Variants in KAZN observed in about 807,000 individuals in gnomAD.
KAZN encodes kazrin.
Under a neutral mutation model 87.4 loss-of-function variants are expected in KAZN, and 40 were observed. The ratio of observed to expected loss-of-function variants is 0.46; its 90% CI spans 0.36 to 0.60. The LOEUF (loss-of-function observed/expected upper bound fraction) is 0.60, where lower values mean the gene tolerates loss of function less well. KAZN is among the 20% of genes least tolerant of loss of function. The pLI is 0.00. For synonymous variants in KAZN, 466 were observed against 458.3 expected (o/e 1.02, Z -0.22); for missense variants, 898 against 1,073.9 (o/e 0.84, Z 2.29).
At chr1:14,543,153 G>A (rs1672920817) in intron 2 of KAZN, among the ~76,000 whole-genome samples, 1 of 152,142 alleles carries the variant, frequency 6.6e-6, no homozygotes, top group Non-Finnish European at 1.5e-5. Flanking sequence ...TATGACCTGT[G>A]TCATAATGTA....
intron 1 of KAZN, among the ~76,000 whole-genome samples, chr1:14,800,297 C>T (rs1645969439): frequency 6.6e-6 from 1 of 152,234 alleles, no homozygotes; most frequent in Non-Finnish European, 1.5e-5. Flanking sequence ...TTCACAGCAG[C>T]ATTATTCATG....
intron 1 of KAZN, among the ~76,000 whole-genome samples, chr1:14,888,266 T>C (rs1008610454): frequency 2.0e-5 from 3 of 152,208 alleles, no homozygotes; most frequent in Non-Finnish European, 4.4e-5. Flanking sequence ...TCCCAGCATA[T>C]GGACATTCTC....
intron 1 of KAZN, among the ~76,000 whole-genome samples, chr1:13,945,710 T>TGAGAGAGAGAGA (rs200937986): frequency 7.3e-6 from 1 of 137,182 alleles, no homozygotes; most frequent in South Asian, 2.3e-4. Flanking sequence ...TGTGTGTGTG[T>TGAGAGAGAGAGA]GAGAGAGAGA....
chr1:14,326,381 G>C lies in KAZN; in HGVS notation c.249+145789G>C, dbSNP rs375669439. On this transcript the variant is annotated intron_variant, in intron 2 of 16. Coordinates refer to the KAZN transcript ENST00000636203. ...CCTCTTCAAAATATTATTATATCCA[G>C]AATCCAAACTCCTCACCACCTTTGC... Among the ~76,000 whole-genome samples, 11 of 152,168 alleles carry C rather than the reference G, an allele frequency of 7.2e-5. No homozygotes were observed. The East Asian group carries it at 1.7e-3, about 24-fold the overall frequency.
intron 2 of KAZN, among the ~76,000 whole-genome samples, chr1:14,443,551 C>T (rs901279491): frequency 1.3e-5 from 2 of 152,244 alleles, no homozygotes; most frequent in Admixed American, 6.5e-5. Flanking sequence ...TTGGAGGCCC[C>T]TGGCCTTCCT....
chr1:13,910,328 G>A (rs1172658173), intron 1 of KAZN, among the ~76,000 whole-genome samples: 4 of 151,960 alleles, frequency 2.6e-5, no homozygotes, highest in Non-Finnish European at 5.9e-5. Flanking sequence ...CCAACATGGT[G>A]AAACCTCATC....
At chr1:14,025,747 G>T (rs1432706207) in intron 1 of KAZN, among the ~76,000 whole-genome samples, 2 of 152,100 alleles carry the variant, frequency 1.3e-5, no homozygotes, top group East Asian at 3.9e-4. Flanking sequence ...AATTATAATT[G>T]TATTAAATTT....
chr1:14,436,734 A>AAACAAAACAAAAAC (rs1553172283), intron 2 of KAZN, among the ~76,000 whole-genome samples: 1 of 137,368 alleles, frequency 7.3e-6, no homozygotes, highest in Non-Finnish European at 1.5e-5. Flanking sequence ...AAAAAAAAAA[A>AAACAAAACAAAAAC]AAAACCTTAA....
intron 1 of KAZN, among the ~76,000 whole-genome samples, chr1:13,914,747 T>A (rs1036373738): frequency 1.3e-5 from 2 of 152,040 alleles, no homozygotes; most frequent in Non-Finnish European, 2.9e-5. Context: ...GAAGGCCAAA[T>A]TGGGAGGATC....
rs147119312 is a variant in KAZN, at chr1:14,655,610, C to A, written c.226+56387C>A. Among the ~76,000 whole-genome samples, 148 of 152,296 alleles carry A rather than the reference C, an allele frequency of 9.7e-4. 4 individuals carry two copies. In the East Asian group the frequency reaches 0.024, roughly 25 times the overall value. On this transcript the variant is annotated intron_variant, in intron 1 of 14. Coordinates refer to ENST00000376030, the MANE Select transcript of KAZN (RefSeq NM_201628.3). ...AATGCTTCATTATAAGCAGGCTTAG[C>A]TGCTGCGACAGATATAGATTAGAAC...
chr1:14,905,091 C>G (rs1656365757), intron 1 of KAZN, among the ~76,000 whole-genome samples: 1 of 152,166 alleles, frequency 6.6e-6, no homozygotes, highest in African/African-American at 2.4e-5. Context: ...CAGAGTCTCG[C>G]TCCTTCGCCC....
intron 2 of KAZN, among the ~76,000 whole-genome samples, chr1:14,430,449 G>A (rs1284419055): frequency 6.6e-6 from 1 of 152,054 alleles, no homozygotes; most frequent in African/African-American, 2.4e-5. Context: ...TGGCTTTCAG[G>A]GTCTTAACCA....
intron 2 of KAZN, among the ~76,000 whole-genome samples, chr1:14,356,345 GT>G (rs1659029244): frequency 1.3e-5 from 2 of 152,102 alleles, no homozygotes; most frequent in South Asian, 4.1e-4. Flanking sequence ...AGATTGATAG[GT>G]TGTAAAAATT....
intron 1 of KAZN, among the ~76,000 whole-genome samples, chr1:14,154,529 A>T (rs6680592): frequency 0.18 from 26,833 of 152,058 alleles, 2,981 homozygotes; most frequent in East Asian, 0.33. Context: ...TTCCAGTACT[A>T]TGTTGAGTAA....
At chr1:14,976,319 C>G (rs1440694895) in intron 2 of KAZN, among the ~76,000 whole-genome samples, 1 of 152,128 alleles carries the variant, frequency 6.6e-6, no homozygotes, top group Non-Finnish European at 1.5e-5. Context: ...CTCAGAACAG[C>G]ACGTCATCAG....
At chr1:14,919,472 C>T (rs1175233416) in intron 1 of KAZN, among the ~76,000 whole-genome samples, 1 of 152,196 alleles carries the variant, frequency 6.6e-6, no homozygotes, top group Non-Finnish European at 1.5e-5. Flanking sequence ...CCACCGCGCC[C>T]CTCCCGAGGC....
chr1:14,013,261 A>G (rs1640404890), intron 1 of KAZN, among the ~76,000 whole-genome samples: 1 of 152,202 alleles, frequency 6.6e-6, no homozygotes, highest in African/African-American at 2.4e-5. Context: ...GTACCCTGTA[A>G]ACTATTTTTA....
At chr1:14,940,718 ATGTT>A (rs1260080284) in intron 1 of KAZN, among the ~76,000 whole-genome samples, 2 of 151,772 alleles carry the variant, frequency 1.3e-5, no homozygotes, top group Admixed American at 6.6e-5. Context: ...GGCTCTCTTG[ATGTT>A]TGTTTAAGAG....
chr1:14,449,111 T>A (rs2148328152), intron 2 of KAZN, among the ~76,000 whole-genome samples: 1 of 152,302 alleles, frequency 6.6e-6, no homozygotes, highest in East Asian at 1.9e-4. Flanking sequence ...CAAATGAGCT[T>A]TAACCAAAAG....
Sources: gnomAD v4.1 joint callset for allele counts (sites outside exome capture counted in the v4.1 genomes callset) on GRCh38, gnomAD v4.1.1 for gene constraint, MANE v1.5 for transcripts, NCBI Gene and HGNC (gene_info 2026-07-23, HGNC 2026-07-21) for gene names.